The following TNS3 variants were observed in gnomAD, a reference collection of about 807,000 sequenced individuals.
TNS3 encodes the protein tensin-3.
Under a neutral mutation model 140.9 loss-of-function variants are expected in TNS3, and 45 were observed. The observed-to-expected ratio is 0.32, with a 90% confidence interval of 0.25 to 0.41. TNS3 has a LOEUF of 0.41. Among genes scored for constraint, TNS3 ranks in the 10% least tolerant of loss-of-function variants. The pLI, the probability that TNS3 is intolerant of heterozygous loss-of-function variation, is 1.00. For missense variants in TNS3, 1,716 were observed against 1,906.7 expected (o/e 0.90, Z 1.86); for synonymous variants, 815 against 788.4 (o/e 1.03, Z -0.56).
At chr7:47,377,032 G>A (rs553147878) in intron 16 of TNS3, among the ~76,000 whole-genome samples, 1 of 152,282 alleles carries the variant, frequency 6.6e-6, no homozygotes, top group South Asian at 2.1e-4. Context: ...TATGCCAGAG[G>A]TCCTGCCTGT....
chr7:47,490,601 G>A (rs1266964584), intron 3 of TNS3, among the ~76,000 whole-genome samples: 2 of 152,236 alleles, frequency 1.3e-5, no homozygotes, highest in Admixed American at 6.5e-5. Context: ...CCTTCGCCTG[G>A]AGCATCCCAT....
rs143910731 is a variant in TNS3, at chr7:47,289,552, G to A, written c.3928+2403C>T. Among the ~76,000 whole-genome samples the A allele has an allele frequency of 6.1e-3, 929 of 152,274 alleles. 4 individuals are homozygous for A. Among genetic ancestry groups the A allele is most frequent in the African/African-American group, 0.019 (784 of 41,574 alleles). The stretch of plus-strand genomic sequence containing the variant: ...AACTAGTAAGCGATTACAGAAAGAT[G>A]CTGGATACAAGGTTAATGTACAAAT... On this transcript the variant is annotated intron_variant, in intron 27 of 30. Coordinates refer to ENST00000311160, the MANE Select transcript of TNS3 (RefSeq NM_022748.12).
At chr7:47,414,021 G>A (rs765456502) in intron 11 of TNS3, 24 bp from the exon 12 acceptor site, 3 of 1,612,064 alleles carry the variant, frequency 1.9e-6, no homozygotes, top group Non-Finnish European at 1.7e-6. Context: ...ACAACTGTCT[G>A]TAGAGGCATG....
chr7:47,354,065 A>G (rs2151046821), intron 17 of TNS3, among the ~76,000 whole-genome samples: 1 of 152,012 alleles, frequency 6.6e-6, no homozygotes, highest in East Asian at 1.9e-4. Context: ...ACTGGCCGTA[A>G]TGCAATGAGA....
intron 16 of TNS3, among the ~76,000 whole-genome samples, chr7:47,384,524 C>T (rs537712062): frequency 1.3e-5 from 2 of 152,342 alleles, no homozygotes; most frequent in East Asian, 1.9e-4. Context: ...TTTATTGAGG[C>T]CCTGGCCTTG....
intron 4 of TNS3, among the ~76,000 whole-genome samples, chr7:47,453,592 C>A (rs1284721400): frequency 1.3e-5 from 2 of 152,134 alleles, no homozygotes; most frequent in Non-Finnish European, 2.9e-5. Flanking sequence ...TTCAACATAA[C>A]TAAATAAAAT....
At chr7:47,399,080 G>GAAAAAAAAAAAAA (rs55834937) in intron 15 of TNS3, among the ~76,000 whole-genome samples, 5 of 93,606 alleles carry the variant, frequency 5.3e-5, no homozygotes, top group African/African-American at 1.5e-4. Context: ...TACGACAGCT[G>GAAAAAAAAAAAAA]AAAAAAAAAA....
intron 7 of TNS3, among the ~76,000 whole-genome samples, chr7:47,436,009 C>T (rs1795163266): frequency 6.6e-6 from 1 of 152,188 alleles, no homozygotes; most frequent in East Asian, 1.9e-4. Context: ...CCACAGTGGC[C>T]ACACGGGGGT....
At chr7:47,575,014 C>G (rs189429437) in intron 1 of TNS3, among the ~76,000 whole-genome samples, 1 of 152,096 alleles carries the variant, frequency 6.6e-6, no homozygotes, top group South Asian at 2.1e-4. Context: ...CGACAAAGTT[C>G]ATGTTATGCA....
At chr7:47,391,109 C>A (rs1015877205) in intron 16 of TNS3, among the ~76,000 whole-genome samples, 1 of 152,208 alleles carries the variant, frequency 6.6e-6, no homozygotes, top group Non-Finnish European at 1.5e-5. Context: ...CACACTTCCA[C>A]CCCGTGAATA....
intron 16 of TNS3, among the ~76,000 whole-genome samples, chr7:47,385,161 A>C (rs1450824346): frequency 6.6e-6 from 1 of 151,928 alleles, no homozygotes; most frequent in South Asian, 2.1e-4. Context: ...CTTTGGACAC[A>C]CTCATGGTGC....
Position 47,554,841 on chromosome 7 carries a change from C to A in TNS3, c.-264-25694G>T, listed in dbSNP as rs189106369. On this transcript the variant is annotated intron_variant, in intron 1 of 30. Transcript: ENST00000311160. The stretch of plus-strand genomic sequence containing the variant: ...GTCAAGAGATGGAGACCATCCTGGC[C>A]AACATGGTGAAACCCCGTCCTACTA... Among the ~76,000 whole-genome samples the A allele has an allele frequency of 3.3e-5, 5 of 151,838 alleles. 1 individual carries two copies. The East Asian group carries it at 9.8e-4, about 30-fold the overall frequency.
At chr7:47,314,774 T>C (rs1272736468) in intron 20 of TNS3, among the ~76,000 whole-genome samples, 2 of 152,024 alleles carry the variant, frequency 1.3e-5, no homozygotes, top group Non-Finnish European at 2.9e-5. Context: ...ATGACCGGGG[T>C]GAGGAGCAGA....
chr7:47,488,555 C>T (rs893157233), intron 3 of TNS3, among the ~76,000 whole-genome samples: 1 of 152,200 alleles, frequency 6.6e-6, no homozygotes, highest in African/African-American at 2.4e-5. Context: ...TCTAAGGACA[C>T]CAGTCATACT....
At chr7:47,412,250 G>T (rs1227841557) in intron 12 of TNS3, among the ~76,000 whole-genome samples, 1 of 152,206 alleles carries the variant, frequency 6.6e-6, no homozygotes, top group Non-Finnish European at 1.5e-5. Context: ...TTCATAAAAT[G>T]CCTGTCCACA....
chr7:47,314,576 G>C (rs113183959), intron 20 of TNS3, among the ~76,000 whole-genome samples: 192 of 152,318 alleles, frequency 1.3e-3, no homozygotes, highest in African/African-American at 4.5e-3. Context: ...CTCACCATAA[G>C]AACAGGCAGA....
chr7:47,362,975 A>G (rs1790445666), intron 17 of TNS3, among the ~76,000 whole-genome samples: 1 of 147,276 alleles, frequency 6.8e-6, no homozygotes, highest in South Asian at 2.1e-4. Context: ...AGAGTCATTT[A>G]CCATCACCAT....
chr7:47,287,105 T>TA (rs35058593), intron 27 of TNS3, among the ~76,000 whole-genome samples: 2,186 of 145,590 alleles, frequency 0.015, 19 homozygotes, highest in African/African-American at 0.029. Context: ...TAAGACTCTA[T>TA]AAAAAAAAAA....
chr7:47,322,378 C>T (rs975895712), intron 20 of TNS3, among the ~76,000 whole-genome samples: 1 of 151,940 alleles, frequency 6.6e-6, no homozygotes, highest in African/African-American at 2.4e-5. Flanking sequence ...AAAAATTAGC[C>T]GGGCGTGGTA....
Sources: allele counts gnomAD v4.1 joint callset (sites outside exome capture counted in the v4.1 genomes callset), GRCh38; gene constraint gnomAD v4.1.1; transcripts MANE v1.5; gene names NCBI Gene and HGNC (gene_info 2026-07-23, HGNC 2026-07-21).